LYPLA1: variants seen among roughly 807,000 people sequenced by gnomAD.
LYPLA1 encodes the protein acyl-protein thioesterase 1.
LYPLA1 carries 17 observed loss-of-function variants against 34.0 expected under a neutral mutation model. The observed-to-expected ratio is 0.50, with a 90% CI of 0.34 to 0.75. The LOEUF is 0.75. LYPLA1 is among the 30% of genes least tolerant of loss of function. The pLI is 0.01. For synonymous variants in LYPLA1, 98 were observed against 100.8 expected, an observed-to-expected ratio of 0.97 and a Z score of 0.17; for missense variants, 203 against 288.8, an observed-to-expected ratio of 0.70 and a Z score of 2.15.
chr8:54,059,191 T>C (rs552367544), intron 5 of LYPLA1, among the ~76,000 whole-genome samples: 1 of 152,304 alleles, frequency 6.6e-6, no homozygotes, highest in South Asian at 2.1e-4. Context: ...TCAGACAAAA[T>C]CCCAACTCTA....
intron 2 of LYPLA1, among the ~76,000 whole-genome samples, chr8:54,097,240 C>T (rs1809755003): frequency 6.6e-6 from 1 of 152,182 alleles, no homozygotes; most frequent in Admixed American, 6.6e-5. Flanking sequence ...GACTCAGCAT[C>T]ATTAGTCTAC....
chr8:54,044,814 T>C (rs1223964296), downstream of LYPLA1: 3 of 152,234 alleles, frequency 2.0e-5, no homozygotes, highest in Non-Finnish European at 4.4e-5. Context: ...ATTACTTACA[T>C]ACCTTATCTC....
chr8:54,092,910 G>C (rs1809412665), intron 2 of LYPLA1, among the ~76,000 whole-genome samples: 1 of 152,184 alleles, frequency 6.6e-6, no homozygotes, highest in African/African-American at 2.4e-5. Flanking sequence ...GTAGTAATAT[G>C]GGTGTAGAAC....
intron 2 of LYPLA1, among the ~76,000 whole-genome samples, chr8:54,082,130 T>C (rs1808371228): frequency 6.6e-6 from 1 of 152,166 alleles, no homozygotes; most frequent in African/African-American, 2.4e-5. Flanking sequence ...AGAAACAAGA[T>C]ATAAACATAC....
At chr8:54,073,566 T>G in intron 2 of LYPLA1, 1 of 613,776 alleles carries the variant, frequency 1.6e-6, no homozygotes. Flanking sequence ...AAAGTTACTA[T>G]TAATCGACAC....
chr8:54,056,890 C>A (rs1231492280), intron 5 of LYPLA1, among the ~76,000 whole-genome samples: 2 of 151,588 alleles, frequency 1.3e-5, no homozygotes, highest in Non-Finnish European at 2.9e-5. Context: ...CCCAGCCTGG[C>A]GAAAGAGCAA....
At chr8:54,085,859 G>A (rs1808715255) in intron 2 of LYPLA1, among the ~76,000 whole-genome samples, 2 of 150,280 alleles carry the variant, frequency 1.3e-5, no homozygotes, top group Non-Finnish European at 3.0e-5. Context: ...GAGGTGGGGG[G>A]GGCGCCTCTG....
chr8:54,091,581 A>AGG lies in LYPLA1; in HGVS notation c.101+9326_101+9327insCC, dbSNP rs1554550019. 1.2e-3 allele frequency among the ~76,000 whole-genome samples: 177 copies of AGG among 142,370 alleles called. 2 individuals carry two copies. Among genetic ancestry groups the AGG allele is most frequent in the African/African-American group, 4.5e-3 (171 of 37,730 alleles). The allele number at this position is 142,370 out of a possible 152,430, so 93.4% of individuals were successfully genotyped here. ...AAGGAAGGAAGGAAAGAAAGAAAGA[A>AGG]AAGGAAGGAAGGAAGGAAGGAAGGA... On this transcript the variant is annotated intron_variant, in intron 2 of 8. Transcript: ENST00000316963.
intron 2 of LYPLA1, among the ~76,000 whole-genome samples, chr8:54,066,069 C>T (rs1174181177): frequency 1.3e-5 from 2 of 151,940 alleles, no homozygotes; most frequent in African/African-American, 2.4e-5. Context: ...CCCAAGTAGC[C>T]GGGACTACAG....
chr8:54,074,759 ACT>A (rs1319121887), intron 2 of LYPLA1, among the ~76,000 whole-genome samples: 1 of 152,076 alleles, frequency 6.6e-6, no homozygotes, highest in East Asian at 1.9e-4. Flanking sequence ...TTGGAACCTA[ACT>A]CTCTTTGGCA....
chr8:54,059,299 GTT>G (rs573966934), intron 5 of LYPLA1, among the ~76,000 whole-genome samples: 3 of 112,718 alleles, frequency 2.7e-5, no homozygotes, highest in Non-Finnish European at 4.8e-5. Flanking sequence ...TATTTTCCCT[GTT>G]TTTTTTTTTT....
intron 2 of LYPLA1, among the ~76,000 whole-genome samples, chr8:54,076,745 G>A (rs1461682886): frequency 6.6e-6 from 1 of 152,218 alleles, no homozygotes; most frequent in Non-Finnish European, 1.5e-5. Context: ...TCCTGCTGCA[G>A]TTAACTAGCC....
chr8:54,060,321 C>T (rs1331750966), intron 5 of LYPLA1, among the ~76,000 whole-genome samples: 1 of 152,070 alleles, frequency 6.6e-6, no homozygotes, highest in Non-Finnish European at 1.5e-5. Flanking sequence ...GACGGGGTTT[C>T]TCCATGTTGG....
chr8:54,070,660 T>C (rs543341093), intron 2 of LYPLA1, among the ~76,000 whole-genome samples: 86 of 151,868 alleles, frequency 5.7e-4, no homozygotes, highest in African/African-American at 1.8e-3. Context: ...GAGGAGGAGG[T>C]TGCAGTGAGC....
chr8:54,093,193 A>C (rs1211918131), intron 2 of LYPLA1, among the ~76,000 whole-genome samples: 1 of 152,262 alleles, frequency 6.6e-6, no homozygotes, highest in African/African-American at 2.4e-5. Context: ...GTGAGAGACC[A>C]TAAGACCAGG....
intron 2 of LYPLA1, among the ~76,000 whole-genome samples, chr8:54,093,105 C>T (rs1809430449): frequency 6.6e-6 from 1 of 152,168 alleles, no homozygotes. Context: ...TGATATAAGT[C>T]AGAGCTAGGA....
intron 4 of LYPLA1, 74 bp from the exon 5 acceptor site, chr8:54,062,398 T>C (rs915346406): frequency 1.4e-6 from 1 of 736,530 alleles, no homozygotes; most frequent in Non-Finnish European, 2.1e-6. Flanking sequence ...ACTACATTCA[T>C]GGTAGCTTGG....
intron 6 of LYPLA1, chr8:54,054,554 G>A (rs1199637582): frequency 1.3e-5 from 2 of 152,296 alleles, no homozygotes; most frequent in Non-Finnish European, 2.9e-5. Context: ...CTGGGGACTG[G>A]TTCCATGGCA....
intron 5 of LYPLA1, among the ~76,000 whole-genome samples, chr8:54,056,089 C>G (rs1806186703): frequency 1.3e-5 from 2 of 152,116 alleles, no homozygotes; most frequent in South Asian, 4.1e-4. Flanking sequence ...GGCATAAAAA[C>G]AGACACACAG....
Sources: gnomAD v4.1 joint callset for allele counts (sites outside exome capture counted in the v4.1 genomes callset) on GRCh38, gnomAD v4.1.1 for gene constraint, MANE v1.5 for transcripts, NCBI Gene and HGNC (gene_info 2026-07-23, HGNC 2026-07-21) for gene names.